KLF17: variants seen among roughly 807,000 people sequenced by gnomAD.
KLF17 encodes KLF transcription factor 17, also known as Krueppel-like factor 17.
KLF17 carries 31 observed loss-of-function variants against 34.2 expected under a neutral mutation model. The ratio of observed to expected loss-of-function variants is 0.91; its 90% CI spans 0.68 to 1.22. The LOEUF (loss-of-function observed/expected upper bound fraction) is 1.22, where lower values mean the gene tolerates loss of function less well. Among genes scored for constraint, KLF17 ranks in the 50% most tolerant of loss-of-function variants. The pLI, the probability that KLF17 is intolerant of heterozygous loss-of-function variation, is 0.00. For synonymous variants in KLF17, 179 were observed against 186.7 expected (o/e 0.96, Z 0.34); for missense variants, 478 against 505.2 (o/e 0.95, Z 0.52).
At chr1:44,049,951 G>A in the KLF17 span, among the ~76,000 whole-genome samples, 1 of 152,168 alleles carries the variant, frequency 6.6e-6, no homozygotes, top group Non-Finnish European at 1.5e-5. Context: ...GGTGACTTAA[G>A]TAGGAAAAGA....
the KLF17 span, chr1:44,076,215 C>T: frequency 6.6e-6 from 1 of 152,212 alleles, no homozygotes; most frequent in Non-Finnish European, 1.5e-5. Context: ...TGATGCAAAC[C>T]TTGACTAATG....
At chr1:44,058,141 T>G in the KLF17 span, among the ~76,000 whole-genome samples, 14 of 152,286 alleles carry the variant, frequency 9.2e-5, no homozygotes, top group African/African-American at 3.1e-4. Context: ...GTCCTGAGCC[T>G]TAGGCATTAC....
chr1:44,087,029 C>T, the KLF17 span, among the ~76,000 whole-genome samples: 1 of 152,082 alleles, frequency 6.6e-6, no homozygotes, highest in Admixed American at 6.5e-5. Flanking sequence ...TCGGCAGCAT[C>T]GATGTAGATA....
the KLF17 span, among the ~76,000 whole-genome samples, chr1:44,083,934 G>A: frequency 2.0e-5 from 3 of 152,146 alleles, no homozygotes; most frequent in Non-Finnish European, 4.4e-5. Flanking sequence ...TTCAAGTGAC[G>A]CTTCTTTCCT....
the KLF17 span, among the ~76,000 whole-genome samples, chr1:44,111,287 T>C: frequency 1.3e-5 from 2 of 152,124 alleles, no homozygotes; most frequent in African/African-American, 4.8e-5. Context: ...TAAGCCACCA[T>C]GCCCGGCCTG....
the KLF17 span, among the ~76,000 whole-genome samples, chr1:44,046,479 C>T: frequency 6.6e-6 from 1 of 151,576 alleles, no homozygotes; most frequent in African/African-American, 2.4e-5. Flanking sequence ...CCTTGGCCTC[C>T]CAAAGTACTG....
chr1:44,132,738 T>C (rs891748806), intron 3 of KLF17, among the ~76,000 whole-genome samples: 6 of 152,136 alleles, frequency 3.9e-5, no homozygotes, highest in African/African-American at 1.4e-4. Flanking sequence ...CCTCCCACCT[T>C]CCTTAGGTCC....
At chr1:44,121,764 T>C (rs1465316351) in intron 1 of KLF17, among the ~76,000 whole-genome samples, 1 of 152,224 alleles carries the variant, frequency 6.6e-6, no homozygotes, top group Admixed American at 6.5e-5. Flanking sequence ...ATGCCTCATG[T>C]GTATGGTAGG....
At chr1:44,105,016 A>G in the KLF17 span, 2 of 153,892 alleles carry the variant, frequency 1.3e-5, no homozygotes, top group African/African-American at 4.8e-5. Flanking sequence ...AGGTGTGTGG[A>G]TCACTTGAGC....
intron 1 of KLF17, among the ~76,000 whole-genome samples, chr1:44,126,008 T>TG (rs1249751406): frequency 1.3e-5 from 2 of 150,722 alleles, no homozygotes; most frequent in African/African-American, 5.0e-5. Context: ...GGACAAGGTT[T>TG]TTTTTGTTTT....
the KLF17 span, among the ~76,000 whole-genome samples, chr1:44,072,504 T>C: frequency 1.3e-5 from 2 of 151,434 alleles, no homozygotes; most frequent in South Asian, 4.2e-4. Flanking sequence ...CTGGGCAACA[T>C]AGCAAGATCC....
rs746750521 is a variant in KLF17, at chr1:44,130,700, C to T, written c.1114C>T (p.Pro372Ser). 2 of 1,608,384 alleles carry T rather than the reference C, an allele frequency of 1.2e-6. No homozygotes were observed. Among genetic ancestry groups the T allele is most frequent in the Admixed American group, 1.7e-5 (1 of 58,834 alleles). ...QKTHRPGPSD[P>S]QANNNNGEQD... is the part of the protein sequence containing the mutation. ...GACTCATCGGCCGGGACCCTCAGAC[C>T]CACAGGCCAACAACAACAATGGAGA... Residue 372 changes from proline to serine, a missense_variant, in exon 3 of 4, where the codon CCA (proline) becomes TCA (serine). Coordinates refer to ENST00000372299, the MANE Select transcript of KLF17 (RefSeq NM_173484.4).
At chr1:44,084,274 G>A in the KLF17 span, among the ~76,000 whole-genome samples, 1 of 152,070 alleles carries the variant, frequency 6.6e-6, no homozygotes, top group Non-Finnish European at 1.5e-5. Flanking sequence ...AGCAGTGATG[G>A]GATTAGTGTG....
chr1:44,100,008 G>A, the KLF17 span, among the ~76,000 whole-genome samples: 1 of 150,778 alleles, frequency 6.6e-6, no homozygotes, highest in Non-Finnish European at 1.5e-5. Flanking sequence ...AGGCCAAGGT[G>A]GGTGGATCAC....
chr1:44,123,313 C>T (rs370900991), intron 1 of KLF17, among the ~76,000 whole-genome samples: 4 of 152,148 alleles, frequency 2.6e-5, no homozygotes, highest in East Asian at 1.9e-4. Context: ...CCACCTGCTT[C>T]GTAGTCTCAA....
chr1:44,103,188 G>GC, the KLF17 span: 1 of 604,384 alleles, frequency 1.7e-6, no homozygotes. Context: ...TGGGCTGAGG[G>GC]CTAGGGCTGA....
At chr1:44,128,081 T>C (rs2088049429) in intron 1 of KLF17, among the ~76,000 whole-genome samples, 1 of 152,146 alleles carries the variant, frequency 6.6e-6, no homozygotes, top group African/African-American at 2.4e-5. Flanking sequence ...TAATGGACTT[T>C]TTTGTTGCTG....
At chr1:44,108,660 C>CTTTTTTTTT in the KLF17 span, among the ~76,000 whole-genome samples, 33 of 75,342 alleles carry the variant, frequency 4.4e-4, 3 homozygotes, top group African/African-American at 1.3e-3. Flanking sequence ...TTTGTTAGCT[C>CTTTTTTTTT]TTTTTTTTTT....
At chr1:44,070,513 A>G in the KLF17 span, among the ~76,000 whole-genome samples, 7 of 152,046 alleles carry the variant, frequency 4.6e-5, no homozygotes, top group Admixed American at 4.6e-4. Context: ...ATGTTGCAGT[A>G]AAAGACATGA....
Sources: gnomAD v4.1 joint callset for allele counts (sites outside exome capture counted in the v4.1 genomes callset) on GRCh38, gnomAD v4.1.1 for gene constraint, MANE v1.5 for transcripts, NCBI Gene and HGNC (gene_info 2026-07-23, HGNC 2026-07-21) for gene names.